CMSS1: variants seen among roughly 807,000 people sequenced by gnomAD.
CMSS1 encodes protein CMSS1.
Under a neutral mutation model 43.5 loss-of-function variants are expected in CMSS1, and 33 were observed. The observed-to-expected ratio is 0.76, with a 90% CI of 0.57 to 1.01. CMSS1 has a LOEUF of 1.01. CMSS1 is among the 50% of genes least tolerant of loss of function. The pLI, the probability that CMSS1 is intolerant of heterozygous loss-of-function variation, is 0.00. For missense variants in CMSS1, 313 were observed against 326.4 expected (o/e 0.96, Z 0.32); for synonymous variants, 115 against 117.2 (o/e 0.98, Z 0.12).
chr3:100,110,318 C>T (rs540055521), intron 1 of CMSS1, among the ~76,000 whole-genome samples: 3 of 152,162 alleles, frequency 2.0e-5, no homozygotes, highest in Non-Finnish European at 2.9e-5. Flanking sequence ...AGTTTAATAT[C>T]ATGGCTCAGA....
At chr3:100,011,292 C>T (rs532219348) in intron 1 of CMSS1, among the ~76,000 whole-genome samples, 31 of 152,280 alleles carry the variant, frequency 2.0e-4, no homozygotes, top group African/African-American at 7.2e-4. Context: ...GAACTCGACA[C>T]GTGTTGATCT....
intron 1 of CMSS1, among the ~76,000 whole-genome samples, chr3:99,966,923 T>C (rs1351926396): frequency 6.6e-6 from 1 of 152,202 alleles, no homozygotes; most frequent in African/African-American, 2.4e-5. Flanking sequence ...TGAAAATAGA[T>C]GGAGTATGCC....
chr3:99,952,266 A>AG (rs2107690233), intron 1 of CMSS1, among the ~76,000 whole-genome samples: 1 of 152,292 alleles, frequency 6.6e-6, no homozygotes, highest in South Asian at 2.1e-4. Flanking sequence ...AAATCAAATT[A>AG]GGGCAGTTTC....
At chr3:100,155,135 C>T (rs1457748806) in intron 2 of CMSS1, among the ~76,000 whole-genome samples, 1 of 152,182 alleles carries the variant, frequency 6.6e-6, no homozygotes, top group Non-Finnish European at 1.5e-5. Flanking sequence ...GACATCCTGA[C>T]ATAGCATATG....
chr3:100,008,709 A>G (rs771663016), intron 1 of CMSS1, among the ~76,000 whole-genome samples: 3 of 152,222 alleles, frequency 2.0e-5, no homozygotes, highest in Non-Finnish European at 4.4e-5. Context: ...TAATGTTTGC[A>G]TATGTTTGCT....
intron 1 of CMSS1, chr3:99,848,914 C>G: frequency 3.1e-6 from 5 of 1,614,064 alleles, no homozygotes; most frequent in Non-Finnish European, 4.2e-6. Flanking sequence ...TGTGGTTGGA[C>G]TTGTGATTTC....
intron 1 of CMSS1, among the ~76,000 whole-genome samples, chr3:99,822,448 C>T (rs575589225): frequency 1.7e-4 from 26 of 152,180 alleles, no homozygotes; most frequent in African/African-American, 5.1e-4. Context: ...TACCAGCTTG[C>T]GGCCAGGCGC....
At chr3:99,863,248 A>G (rs903729743) in intron 1 of CMSS1, among the ~76,000 whole-genome samples, 2 of 152,188 alleles carry the variant, frequency 1.3e-5, no homozygotes, top group African/African-American at 4.8e-5. Context: ...TCACACTCCT[A>G]TGAGAACCTA....
intron 1 of CMSS1, among the ~76,000 whole-genome samples, chr3:99,907,516 G>T (rs1455578432): frequency 2.0e-5 from 3 of 152,108 alleles, no homozygotes; most frequent in Admixed American, 6.5e-5. Flanking sequence ...CAAAGTGCTG[G>T]GATTACAGAC....
At chr3:99,925,792 A>T in intron 1 of CMSS1, 1 of 934,916 alleles carries the variant, frequency 1.1e-6, no homozygotes, top group Non-Finnish European at 1.3e-6. Context: ...AGAACCAGGC[A>T]GTAAAGAACA....
intron 1 of CMSS1, among the ~76,000 whole-genome samples, chr3:99,884,394 C>A (rs1705827381): frequency 6.6e-6 from 1 of 152,122 alleles, no homozygotes; most frequent in Non-Finnish European, 1.5e-5. Flanking sequence ...TTGCTGATTT[C>A]TGAATCTGTT....
rs1413900466 is a variant in CMSS1, at chr3:99,886,056, TCC to T, written c.64+68014_64+68015del. ...AGTGGATAAAAGAGGTATTACACTT[TCC>T]TTTCTATATCAAGGAAGGTGGAATA... On this transcript the variant is annotated intron_variant, in intron 1 of 9. Transcript: ENST00000421999. 2.0e-5 allele frequency among the ~76,000 whole-genome samples: 3 copies of T among 152,378 alleles called. No homozygotes were observed. The East Asian group carries it at 5.8e-4, about 29-fold the overall frequency.
At chr3:100,073,457 C>T (rs548705799) in intron 1 of CMSS1, among the ~76,000 whole-genome samples, 3 of 152,176 alleles carry the variant, frequency 2.0e-5, no homozygotes, top group East Asian at 3.9e-4. Context: ...GCAGCTTCCT[C>T]GAAAAGACTG....
intron 1 of CMSS1, chr3:100,141,518 T>C (rs1369688704): frequency 4.4e-6 from 2 of 455,974 alleles, no homozygotes; most frequent in East Asian, 1.4e-4. Context: ...GACTGTATGA[T>C]CCCATTGCCA....
intron 1 of CMSS1, among the ~76,000 whole-genome samples, chr3:99,935,421 T>G (rs1432902142): frequency 6.6e-6 from 1 of 152,192 alleles, no homozygotes; most frequent in Non-Finnish European, 1.5e-5. Context: ...TCTGTGACTG[T>G]CATAACCCTA....
intron 2 of CMSS1, among the ~76,000 whole-genome samples, chr3:100,156,458 G>A (rs1203663600): frequency 7.2e-5 from 11 of 151,780 alleles, no homozygotes; most frequent in African/African-American, 1.9e-4. Context: ...ACAGGCGTGC[G>A]CCACCACGCC....
At chr3:100,138,212 A>G (rs1263979135) in intron 1 of CMSS1, among the ~76,000 whole-genome samples, 1 of 152,252 alleles carries the variant, frequency 6.6e-6, no homozygotes, top group African/African-American at 2.4e-5. Flanking sequence ...TAATGTCTTA[A>G]AAGTAAAACC....
intron 1 of CMSS1, among the ~76,000 whole-genome samples, chr3:100,103,105 TC>T (rs1230278584): frequency 4.6e-5 from 7 of 152,180 alleles, no homozygotes; most frequent in African/African-American, 1.7e-4. Flanking sequence ...TGAAATACCT[TC>T]CCTGACTTTT....
At chr3:100,092,267 C>A (rs1465192784) in intron 1 of CMSS1, among the ~76,000 whole-genome samples, 1 of 152,134 alleles carries the variant, frequency 6.6e-6, no homozygotes. Context: ...AAATAGTTGA[C>A]ATGCTGGCTA....
Sources: allele counts gnomAD v4.1 joint callset (sites outside exome capture counted in the v4.1 genomes callset), GRCh38; gene constraint gnomAD v4.1.1; transcripts MANE v1.5; gene names NCBI Gene and HGNC (gene_info 2026-07-23, HGNC 2026-07-21).